ESRRB: variants seen among roughly 807,000 people sequenced by gnomAD.
The protein encoded by ESRRB is steroid hormone receptor ERR2.
Under a neutral mutation model 46.0 loss-of-function variants are expected in ESRRB, and 16 were observed. That is an observed-to-expected ratio of 0.35 (90% CI 0.24 to 0.53). The LOEUF (loss-of-function observed/expected upper bound fraction) is 0.53. Ranked by LOEUF, ESRRB falls within the 20% of genes least tolerant of loss-of-function variation. ESRRB has a pLI of 0.93. For synonymous variants in ESRRB, 246 were observed against 259.6 expected (o/e 0.95, Z 0.50); for missense variants, 488 against 607.4 (o/e 0.80, Z 2.07).
intron 2 of ESRRB, among the ~76,000 whole-genome samples, chr14:76,453,596 T>C (rs1371777216): frequency 1.4e-5 from 2 of 141,424 alleles, no homozygotes; most frequent in Admixed American, 1.3e-4. Flanking sequence ...GAAAAAAAGC[T>C]CTTTTTTTTT....
chr14:76,423,479 G>A (rs1887062095), intron 1 of ESRRB, among the ~76,000 whole-genome samples: 3 of 152,076 alleles, frequency 2.0e-5, no homozygotes, highest in South Asian at 4.2e-4. Flanking sequence ...ATCAGAATTC[G>A]ATCGAAACTG....
chr14:76,322,956 G>A lies in ESRRB; in HGVS notation c.2+12040G>A, dbSNP rs117253439. The stretch of plus-strand genomic sequence containing the variant: ...CAAAGTGTTTATCCTCTATCTGCCC[G>A]TGACCTTCCGTGGACACAGGTTCAT... On this transcript the variant is annotated intron_variant, in intron 1 of 6. Coordinates refer to the ESRRB transcript ENST00000512784. Among the ~76,000 whole-genome samples the A allele has an allele frequency of 1.3e-3, 197 of 152,282 alleles. 4 individuals carry two copies. The highest frequency in any genetic ancestry group is 1.4e-3 in the Non-Finnish European group (95 of 68,020).
chr14:76,322,387 T>G (rs1461322413), intron 1 of ESRRB, among the ~76,000 whole-genome samples: 2 of 152,204 alleles, frequency 1.3e-5, no homozygotes, highest in Non-Finnish European at 2.9e-5. Context: ...GTTTAGACTT[T>G]CAAAGTGGCT....
Position 76,439,339 on chromosome 14 carries a change from A to G in ESRRB, c.51-2A>G. On this transcript the variant is annotated splice_acceptor_variant, in intron 1 of 6. Coordinates refer to ENST00000644823, the MANE Select transcript of ESRRB (RefSeq NM_001379180.1). LOFTEE classifies it high-confidence loss of function. The stretch of plus-strand genomic sequence containing the variant: ...GGCTGACTTCCCGATTTGTGTCCAC[A>G]GGCTGCTGAACAGGATGTCCTCGGA... The G allele has an allele frequency of 6.2e-7, 1 of 1,613,610 alleles. No individual in the cohort carries two copies. Among genetic ancestry groups the G allele is most frequent in the Non-Finnish European group, 8.5e-7 (1 of 1,180,008 alleles).
At chr14:76,468,645 G>A (rs1272654516) in intron 3 of ESRRB, among the ~76,000 whole-genome samples, 5 of 151,906 alleles carry the variant, frequency 3.3e-5, no homozygotes, top group African/African-American at 9.7e-5. Context: ...ACCACTTATC[G>A]ACTCCTTGGG....
chr14:76,429,092 C>G (rs7158332), intron 1 of ESRRB, among the ~76,000 whole-genome samples: 143,658 of 152,064 alleles, frequency 0.94, 67,931 homozygotes, highest in East Asian at 1. Context: ...ACCACAGAGA[C>G]GGGGCTGTGT....
chr14:76,366,336 A>T (rs12147180), intron 1 of ESRRB, among the ~76,000 whole-genome samples: 29,839 of 152,090 alleles, frequency 0.2, 3,620 homozygotes, highest in Non-Finnish European at 0.28. Flanking sequence ...ACACACAAAT[A>T]CATTCACCTC....
chr14:76,475,130 A>AGGCTG (rs1447060718), intron 3 of ESRRB, among the ~76,000 whole-genome samples: 1 of 151,968 alleles, frequency 6.6e-6, no homozygotes, highest in Non-Finnish European at 1.5e-5. Flanking sequence ...GCTACGTGGG[A>AGGCTG]GGCTGAGGTG....
chr14:76,364,769 GC>G (rs1884502276), intron 1 of ESRRB, among the ~76,000 whole-genome samples: 1 of 152,176 alleles, frequency 6.6e-6, no homozygotes, highest in African/African-American at 2.4e-5. Flanking sequence ...CAACTTGGGG[GC>G]AGGAAGAGAC....
intron 2 of ESRRB, among the ~76,000 whole-genome samples, chr14:76,453,990 C>T (rs895505027): frequency 3.3e-5 from 5 of 151,842 alleles, no homozygotes; most frequent in Non-Finnish European, 5.9e-5. Context: ...ACAAACCAGG[C>T]GACTAAAAAA....
chr14:76,311,462 C>T (rs532474284), intron 1 of ESRRB, among the ~76,000 whole-genome samples: 1 of 152,286 alleles, frequency 6.6e-6, no homozygotes, highest in Non-Finnish European at 1.5e-5. Flanking sequence ...TCCCGATGAC[C>T]AGTTTTCTAT....
upstream of ESRRB, among the ~76,000 whole-genome samples, chr14:76,374,671 G>A (rs946085886): frequency 6.6e-6 from 1 of 152,136 alleles, no homozygotes; most frequent in Non-Finnish European, 1.5e-5. Context: ...CTCAAGGGAA[G>A]CATCCCTGCA....
intron 3 of ESRRB, among the ~76,000 whole-genome samples, chr14:76,474,058 G>A (rs1028100217): frequency 6.6e-6 from 1 of 152,220 alleles, no homozygotes; most frequent in Non-Finnish European, 1.5e-5. Context: ...GTTGGACAAA[G>A]GCAGCCATCA....
intron 1 of ESRRB, among the ~76,000 whole-genome samples, chr14:76,363,575 C>T (rs765332928): frequency 1.3e-5 from 2 of 152,222 alleles, no homozygotes; most frequent in Non-Finnish European, 2.9e-5. Context: ...GCTGAGAGCA[C>T]ACCTCATTCC....
intron 1 of ESRRB, among the ~76,000 whole-genome samples, chr14:76,417,960 T>C (rs1480184760): frequency 6.7e-6 from 1 of 148,170 alleles, no homozygotes; most frequent in Non-Finnish European, 1.5e-5. Context: ...TTTTTTTTTT[T>C]TTTTTTTTGG....
chr14:76,466,698 G>C (rs1197704154), intron 3 of ESRRB, among the ~76,000 whole-genome samples: 2 of 151,874 alleles, frequency 1.3e-5, no homozygotes, highest in South Asian at 2.1e-4. Context: ...CTGGTTATTA[G>C]GTATTTTTGC....
At chr14:76,367,896 T>C (rs1884542678), upstream of ESRRB, among the ~76,000 whole-genome samples, 1 of 151,794 alleles carries the variant, frequency 6.6e-6, no homozygotes. Flanking sequence ...GCAGAAGGCC[T>C]TTGTCCCCCT....
In ESRRB at chr14:76,498,975, C is replaced by G; in HGVS notation, c.*517C>G. 1 of 417,024 alleles carries G rather than the reference C, an allele frequency of 2.4e-6. No individual in the cohort carries two copies. Among genetic ancestry groups the G allele is most frequent in the South Asian group, 1.8e-5 (1 of 54,230 alleles). 25.8% of individuals were successfully genotyped at this position (417,024 alleles called of 1,614,324 possible). On this transcript the variant is annotated 3_prime_UTR_variant, in exon 7 of 7. Transcript: ENST00000644823. Reference sequence around the variant, plus strand: ...CTACCTGCTCTGAGATCCTCTGGGGCCGGTCAAGAGGCCCCATACCTTCCA... The same window carrying G: ...CTACCTGCTCTGAGATCCTCTGGGGGCGGTCAAGAGGCCCCATACCTTCCA...
At chr14:76,349,852 A>G (rs1411043572) in intron 1 of ESRRB, among the ~76,000 whole-genome samples, 1 of 152,168 alleles carries the variant, frequency 6.6e-6, no homozygotes, top group Non-Finnish European at 1.5e-5. Flanking sequence ...AGGAAAAGGA[A>G]AGAGCCTTTG....
Sources: allele counts gnomAD v4.1 joint callset (sites outside exome capture counted in the v4.1 genomes callset), GRCh38; gene constraint gnomAD v4.1.1; transcripts MANE v1.5; gene names NCBI Gene and HGNC (gene_info 2026-07-23, HGNC 2026-07-21).